The following ABLIM1 variants were observed in gnomAD, a reference collection of about 807,000 sequenced individuals.
ABLIM1 encodes actin binding LIM protein 1, also known as actin-binding LIM protein 1.
ABLIM1 carries 40 observed loss-of-function variants against 107.0 expected under a neutral mutation model. The ratio of observed to expected loss-of-function variants is 0.37; its 90% CI spans 0.29 to 0.49. ABLIM1 has a LOEUF of 0.49. ABLIM1 is among the 20% of genes least tolerant of loss of function. The pLI is 0.97. For synonymous variants in ABLIM1, 357 were observed against 357.3 expected, an observed-to-expected ratio of 1.00 and a Z score of 0.01; for missense variants, 857 against 1,008.5, an observed-to-expected ratio of 0.85 and a Z score of 2.04.
chr10:114,690,361 C>T, intron 1 of ABLIM1: 1 of 1,604,882 alleles, frequency 6.2e-7, no homozygotes, highest in Non-Finnish European at 8.5e-7. Context: ...ATGCCAGGAC[C>T]TGTATGCTTT....
chr10:114,554,996 T>C (rs919689264), intron 4 of ABLIM1, among the ~76,000 whole-genome samples: 7 of 152,170 alleles, frequency 4.6e-5, no homozygotes, highest in South Asian at 4.1e-4. Flanking sequence ...CTGCGTAATA[T>C]GTGTAATTAC....
the ABLIM1 span, among the ~76,000 whole-genome samples, chr10:114,785,999 G>A: frequency 2.6e-5 from 4 of 152,196 alleles, no homozygotes; most frequent in Non-Finnish European, 5.9e-5. Context: ...AAAGTGCTGG[G>A]ATTACAGGCA....
chr10:114,717,545 T>C lies in ABLIM1; in HGVS notation c.-213+50516A>G, dbSNP rs562252522. On this transcript the variant is annotated intron_variant, in intron 1 of 15. Coordinates refer to the ABLIM1 transcript ENST00000651092. Reference sequence around the variant, plus strand: ...CCCTCTCCCAGTTGTGATAAAAACATCTTCAGTCATTGTCAAATGTCCCCT... The same window carrying C: ...CCCTCTCCCAGTTGTGATAAAAACACCTTCAGTCATTGTCAAATGTCCCCT... Among the ~76,000 whole-genome samples, 98 of 152,232 alleles carry C rather than the reference T, an allele frequency of 6.4e-4. 3 individuals are homozygous for C. The South Asian group carries it at 0.02, about 30-fold the overall frequency.
chr10:114,684,403 A>C, exon 1 of ABLIM1: 1 of 1,612,868 alleles, frequency 6.2e-7, no homozygotes, highest in Non-Finnish European at 8.5e-7. Flanking sequence ...TCTGGCACAC[A>C]GAAAGGCTGC....
At chr10:114,479,309 T>C (rs571464623) in intron 8 of ABLIM1, among the ~76,000 whole-genome samples, 1 of 152,330 alleles carries the variant, frequency 6.6e-6, no homozygotes, top group African/African-American at 2.4e-5. Context: ...TTGCTCTTCA[T>C]GAATATTCCT....
the ABLIM1 span, among the ~76,000 whole-genome samples, chr10:114,787,741 T>TGGGGGCGGGGGGTCAGCCCCCGGC: frequency 8.2e-4 from 104 of 126,152 alleles, no homozygotes; most frequent in Non-Finnish European, 1.2e-3. Context: ...AGCCGCCCCG[T>TGGGGGCGGGGGGTCAGCCCCCGGC]CCGGGAGGTG....
rs11196889 is a variant in ABLIM1 at position 114,718,054 on chromosome 10, A to G, written c.-213+50007T>C. On this transcript the variant is annotated intron_variant, in intron 1 of 15. Transcript: ENST00000651092. ...AGGAGAAAGAGAAAGAGAAAGAAAG[A>G]AAGAAAGAAAGGAAGAAAGGAAGGA... 7.8e-3 allele frequency among the ~76,000 whole-genome samples: 539 copies of G among 69,358 alleles called. 12 individuals are homozygous for G. The highest frequency in any genetic ancestry group is 0.021 in the African/African-American group (403 of 19,586). 45.5% of individuals were successfully genotyped at this position (69,358 alleles called of 152,430 possible). A position where few individuals can be genotyped will look rare whatever the true frequency, so the allele number is the denominator to read the frequency against.
At chr10:114,442,148 A>G (rs1013365700) in intron 17 of ABLIM1, among the ~76,000 whole-genome samples, 1 of 152,242 alleles carries the variant, frequency 6.6e-6, no homozygotes, top group African/African-American at 2.4e-5. Flanking sequence ...ATAGGGGCTA[A>G]GAAAAATATC....
chr10:114,721,625 G>A (rs1401839498), intron 1 of ABLIM1, among the ~76,000 whole-genome samples: 1 of 152,032 alleles, frequency 6.6e-6, no homozygotes, highest in Non-Finnish European at 1.5e-5. Flanking sequence ...GAGATTACAG[G>A]CATGCACCAC....
chr10:114,451,829 A>G (rs1046856799), intron 13 of ABLIM1, among the ~76,000 whole-genome samples, 158 bp from the exon 14 acceptor site: 1 of 152,226 alleles, frequency 6.6e-6, no homozygotes, highest in Admixed American at 6.5e-5. Flanking sequence ...TGAAAGAAAA[A>G]TTATAGAAAT....
intron 1 of ABLIM1, among the ~76,000 whole-genome samples, chr10:114,678,557 A>ACGGC (rs1566226293): frequency 1.3e-5 from 2 of 152,190 alleles, no homozygotes; most frequent in East Asian, 3.8e-4. Context: ...CCATTTATTT[A>ACGGC]TGTATTGTCT....
At chr10:114,527,219 A>G (rs2064909354) in intron 6 of ABLIM1, among the ~76,000 whole-genome samples, 1 of 152,154 alleles carries the variant, frequency 6.6e-6, no homozygotes, top group African/African-American at 2.4e-5. Flanking sequence ...CCTCCTCGCA[A>G]GTCCCTGCTT....
intron 1 of ABLIM1, among the ~76,000 whole-genome samples, chr10:114,719,149 AC>A (rs2081777400): frequency 6.6e-6 from 1 of 152,248 alleles, no homozygotes; most frequent in Non-Finnish European, 1.5e-5. Context: ...AACAAAAAAA[AC>A]ACCATTGATC....
At chr10:114,538,613 G>C (rs1440085928) in intron 6 of ABLIM1, among the ~76,000 whole-genome samples, 1 of 152,206 alleles carries the variant, frequency 6.6e-6, no homozygotes, top group Non-Finnish European at 1.5e-5. Flanking sequence ...CAGGCCAACT[G>C]ATTTCTGGGT....
intron 1 of ABLIM1, among the ~76,000 whole-genome samples, chr10:114,717,114 C>T (rs890961386): frequency 6.6e-6 from 1 of 152,172 alleles, no homozygotes; most frequent in Non-Finnish European, 1.5e-5. Flanking sequence ...GGGGAACCTA[C>T]AGCAAATAAG....
At chr10:114,573,199 C>T (rs780557258) in intron 3 of ABLIM1, among the ~76,000 whole-genome samples, 1 of 152,162 alleles carries the variant, frequency 6.6e-6, no homozygotes, top group Non-Finnish European at 1.5e-5. Context: ...TAGAAAGAGA[C>T]CTGGATTTAG....
At chr10:114,743,389 A>G (rs1471349849) in intron 1 of ABLIM1, among the ~76,000 whole-genome samples, 1 of 152,216 alleles carries the variant, frequency 6.6e-6, no homozygotes, top group East Asian at 1.9e-4. Flanking sequence ...TCACTAGTAG[A>G]ACCACTTGTA....
the ABLIM1 span, among the ~76,000 whole-genome samples, chr10:114,785,230 T>A: frequency 6.6e-6 from 1 of 152,238 alleles, no homozygotes; most frequent in East Asian, 1.9e-4. Context: ...GTTCATAGAT[T>A]CTAACTCCTA....
chr10:114,615,444 T>C (rs2077072034), intron 1 of ABLIM1: 2 of 386,074 alleles, frequency 5.2e-6, no homozygotes, highest in Non-Finnish European at 1.1e-5. Context: ...AACTACCTTG[T>C]TAAAGGCAGT....
Sources: allele counts gnomAD v4.1 joint callset (sites outside exome capture counted in the v4.1 genomes callset), GRCh38; gene constraint gnomAD v4.1.1; transcripts MANE v1.5; gene names NCBI Gene and HGNC (gene_info 2026-07-23, HGNC 2026-07-21).